Variants in CHD7 observed in about 807,000 individuals in gnomAD.
CHD7 encodes ATP-dependent chromatin remodeler CHD7.
Under a neutral mutation model 307.3 loss-of-function variants are expected in CHD7, and 24 were observed. That is an observed-to-expected ratio of 0.08 (90% confidence interval 0.06 to 0.11). The LOEUF (loss-of-function observed/expected upper bound fraction) is 0.11, where lower values mean the gene tolerates loss of function less well. Ranked by LOEUF, CHD7 falls within the 10% of genes least tolerant of loss-of-function variation. The pLI, the probability that CHD7 is intolerant of heterozygous loss-of-function variation, is 1.00. For synonymous variants in CHD7, 1,363 were observed against 1,349.9 expected (o/e 1.01, Z -0.21); for missense variants, 3,106 against 3,727.1 (o/e 0.83, Z 4.34).
At chr8:60,798,193 T>G (rs1307075333) in intron 4 of CHD7, among the ~76,000 whole-genome samples, 2 of 152,136 alleles carry the variant, frequency 1.3e-5, no homozygotes, top group African/African-American at 4.8e-5. Flanking sequence ...GATGGCAGAA[T>G]ACTCTGCTGG....
chr8:60,850,457 C>G, intron 25 of CHD7, 36 bp from the exon 26 acceptor site: 1 of 1,575,756 alleles, frequency 6.3e-7, no homozygotes, highest in Non-Finnish European at 8.7e-7. Context: ...TTCTTTGTTT[C>G]TGTGTGTTTT....
At chr8:60,814,936 C>T (rs1803654400) in intron 7 of CHD7, among the ~76,000 whole-genome samples, 1 of 152,154 alleles carries the variant, frequency 6.6e-6, no homozygotes, top group African/African-American at 2.4e-5. Context: ...AATCTGAAAT[C>T]CAAAATGCTC....
At position 60,822,756 on chromosome 8, in the gene CHD7, C is replaced by T. The variant is rs372432381; in HGVS notation, c.3201+10C>T. ...CTTCAAAGATCCCCAGGTAAACCTT[C>T]ACAGGTTGTATTCTTTGTACTTACT... On this transcript the variant is annotated intron_variant, in intron 12 of 37. Coordinates refer to ENST00000423902, the MANE Select transcript of CHD7 (RefSeq NM_017780.4). 5 of 1,599,840 alleles carry T rather than the reference C, an allele frequency of 3.1e-6. No homozygotes were observed. The highest frequency in any genetic ancestry group is 1.3e-5 in the African/African-American group (1 of 74,584).
intron 8 of CHD7, among the ~76,000 whole-genome samples, chr8:60,819,399 T>C (rs1176747018): frequency 6.6e-6 from 1 of 152,246 alleles, no homozygotes; most frequent in Non-Finnish European, 1.5e-5. Flanking sequence ...TTAATACTTT[T>C]GCCTAAACAC....
At chr8:60,851,178 TATAG>T in intron 27 of CHD7, 74 bp downstream of exon 27, 1 of 1,483,586 alleles carries the variant, frequency 6.7e-7, no homozygotes, top group Non-Finnish European at 9.2e-7. Context: ...TGTTAAACTT[TATAG>T]ATAATGACCT....
intron 8 of CHD7, among the ~76,000 whole-genome samples, chr8:60,816,791 G>A (rs549075529): frequency 2.0e-5 from 3 of 152,312 alleles, no homozygotes; most frequent in African/African-American, 7.2e-5. Context: ...AATTAAGTAA[G>A]TGGACAGAAG....
intron 13 of CHD7, chr8:60,824,771 T>C (rs902793643): frequency 2.6e-5 from 4 of 152,222 alleles, no homozygotes; most frequent in Admixed American, 2.6e-4. Flanking sequence ...TCCCAAGAGA[T>C]GATCAGGTCT....
At chr8:60,856,989 A>G (rs988386527) in intron 34 of CHD7, 101 bp downstream of exon 34, 3 of 1,059,128 alleles carry the variant, frequency 2.8e-6, no homozygotes, top group South Asian at 1.8e-5. Context: ...GCAGCATTGT[A>G]TGAAAGCCAG....
rs71245516 is a variant in CHD7 at position 60,714,406 on chromosome 8, GCCCCCCCCCCCCC to G, written c.-174-26844_-174-26832del. On this transcript the variant is annotated intron_variant, in intron 1 of 37. Coordinates refer to ENST00000423902, the MANE Select transcript of CHD7 (RefSeq NM_017780.4). ...CTGACAACATGGCGGCCGGGAGAAG[GCCCCCCCCCCCCC>G]CCCCCCCCGCCCCGCACACCGCCAG... Among the ~76,000 whole-genome samples the G allele has an allele frequency of 4.7e-3, 83 of 17,628 alleles. 9 individuals carry two copies. The highest frequency in any genetic ancestry group is 0.015 in the Admixed American group (20 of 1,298). The allele number at this position is 17,628 out of a possible 152,430, so 11.6% of individuals were successfully genotyped here. A position where few individuals can be genotyped will look rare whatever the true frequency, so the allele number is the denominator to read the frequency against.
At chr8:60,692,217 A>G (rs1007853600) in intron 1 of CHD7, among the ~76,000 whole-genome samples, 2 of 152,238 alleles carry the variant, frequency 1.3e-5, no homozygotes, top group Non-Finnish European at 2.9e-5. Flanking sequence ...ATGTAACTGA[A>G]TGAATGTGGC....
chr8:60,766,981 G>A (rs78712016), intron 2 of CHD7, among the ~76,000 whole-genome samples: 2,350 of 152,260 alleles, frequency 0.015, 56 homozygotes, highest in South Asian at 0.043. Flanking sequence ...GGCCTGGAGC[G>A]CCCCAGAAAT....
chr8:60,743,191 CT>C (rs1180961290), intron 2 of CHD7, 94 bp downstream of exon 2: 4 of 1,094,284 alleles, frequency 3.7e-6, no homozygotes, highest in Non-Finnish European at 5.4e-6. Context: ...CTATGAAAAG[CT>C]TTTTCATTAT....
chr8:60,679,205 G>C lies in CHD7; in HGVS notation c.-175+123G>C, dbSNP rs1805433477. The C allele has an allele frequency of 2.7e-5, 4 of 147,382 alleles. 1 individual carries two copies. The South Asian group carries it at 5.4e-4, about 20-fold the overall frequency. 9.1% of individuals were successfully genotyped at this position (147,382 alleles called of 1,614,324 possible). A position where few individuals can be genotyped will look rare whatever the true frequency, so the allele number is the denominator to read the frequency against. ...TGGGAGCGAGGAGTTGGGCGTGTGC[G>C]GGGCGAGGGGCGAGGGGCGAGGGCG... On this transcript the variant is annotated intron_variant, in intron 1 of 37. Coordinates refer to ENST00000423902, the MANE Select transcript of CHD7 (RefSeq NM_017780.4).
In CHD7 at chr8:60,866,169, T is replaced by A; in HGVS notation, c.*236T>A. 2 of 387,720 alleles carry A rather than the reference T, an allele frequency of 5.2e-6. No homozygotes were observed. Among genetic ancestry groups the A allele is most frequent in the African/African-American group, 2.0e-5 (1 of 48,910 alleles). The allele number at this position is 387,720 out of a possible 1,614,324, so 24.0% of individuals were successfully genotyped here. On this transcript the variant is annotated 3_prime_UTR_variant, in exon 38 of 38. Coordinates refer to ENST00000423902, the MANE Select transcript of CHD7 (RefSeq NM_017780.4). ...AGATGAAATTTGAGAGGTGATCATGTCTTTTTAAGGAAACTTACATAATGC... is the reference window on the plus strand; with the variant it reads ...AGATGAAATTTGAGAGGTGATCATGACTTTTTAAGGAAACTTACATAATGC...
At chr8:60,745,848 A>G (rs1362944356) in intron 2 of CHD7, among the ~76,000 whole-genome samples, 6 of 152,150 alleles carry the variant, frequency 3.9e-5, no homozygotes. Context: ...GTTAAGCAGG[A>G]AAAATAGCAC....
At chr8:60,837,036 T>G in intron 17 of CHD7, 24 bp downstream of exon 17, 1 of 1,571,136 alleles carries the variant, frequency 6.4e-7, no homozygotes, top group Non-Finnish European at 8.7e-7. Context: ...AAAGTCCTGA[T>G]GCCTTTAAAA....
chr8:60,722,036 A>G (rs1807934325), intron 1 of CHD7, among the ~76,000 whole-genome samples: 1 of 152,236 alleles, frequency 6.6e-6, no homozygotes, highest in Non-Finnish European at 1.5e-5. Flanking sequence ...GTATTCTAAT[A>G]GTAAATTATA....
intron 17 of CHD7, 34 bp from the exon 18 acceptor site, chr8:60,837,634 A>T: frequency 6.7e-7 from 1 of 1,494,454 alleles, no homozygotes; most frequent in Non-Finnish European, 9.0e-7. Flanking sequence ...CATTAGGTTC[A>T]TTGCAGTAAC....
rs142222818 is a variant in CHD7, at chr8:60,804,819, T to C, written c.2442+3226T>C. Among the ~76,000 whole-genome samples, 550 of 152,334 alleles carry C rather than the reference T, an allele frequency of 3.6e-3. 5 individuals carry two copies. Among genetic ancestry groups the C allele is most frequent in the African/African-American group, 0.013 (520 of 41,570 alleles). On this transcript the variant is annotated intron_variant, in intron 6 of 37. Transcript: ENST00000423902. ...GTGGCTGGAGAACTCATTTATTGCC[T>C]TCTCAAAGTTTCTGGTTTGTTTGAA...
Sources: allele counts gnomAD v4.1 joint callset (sites outside exome capture counted in the v4.1 genomes callset), GRCh38; gene constraint gnomAD v4.1.1; transcripts MANE v1.5; gene names NCBI Gene and HGNC (gene_info 2026-07-23, HGNC 2026-07-21).